Variants in DIXDC1 observed in about 807,000 individuals in gnomAD.
DIXDC1 encodes DIX domain containing 1, also known as dixin.
A neutral mutation model predicts 103.1 loss-of-function variants in DIXDC1; 64 were observed. The ratio of observed to expected loss-of-function variants is 0.62; its 90% CI spans 0.51 to 0.76. The LOEUF (loss-of-function observed/expected upper bound fraction) is 0.76, where lower values mean the gene tolerates loss of function less well. Ranked by LOEUF, DIXDC1 falls within the 30% of genes least tolerant of loss-of-function variation. The probability of loss-of-function intolerance (pLI) is 0.00; values close to 1 mark genes in which losing one functional copy is unlikely to be tolerated. For missense variants in DIXDC1, 759 were observed against 834.2 expected (o/e 0.91, Z 1.11); for synonymous variants, 266 against 298.5 (o/e 0.89, Z 1.12).
At chr11:112,004,903 C>A (rs1318259302) in intron 17 of DIXDC1, among the ~76,000 whole-genome samples, 1 of 152,062 alleles carries the variant, frequency 6.6e-6, no homozygotes, top group Non-Finnish European at 1.5e-5. Flanking sequence ...GTGCCCATTT[C>A]TAAACAGATA....
rs782657142 is a variant in DIXDC1, at chr11:111,992,464, T to A, written c.1163T>A (p.Leu388His). 5 of 1,583,472 alleles carry A rather than the reference T, an allele frequency of 3.2e-6. No homozygotes were observed. The highest frequency in any genetic ancestry group is 4.3e-6 in the Non-Finnish European group (5 of 1,164,206). The change falls in exon 11 of 20, where the codon CTC becomes CAC. Residue 388 changes from leucine (L) to histidine (H), a missense_variant. Leu to His is a moderately conservative substitution (Grantham distance 99). This residue lies in a region of DIXDC1 where 657 missense variants were observed against 727.5 expected (regional missense o/e 0.90). Transcript: ENST00000440460. ...CAGCAGGACACATCTGTTCTTCAGC[T>A]CAAACAAGAGCTACTGAGGGCAAAT... ...LTQQDTSVLQLKQELLRANMD... is the reference protein window; with the variant it reads ...LTQQDTSVLQHKQELLRANMD...
chr11:111,962,577 A>G (rs1859617990), intron 1 of DIXDC1, among the ~76,000 whole-genome samples: 1 of 152,148 alleles, frequency 6.6e-6, no homozygotes, highest in Non-Finnish European at 1.5e-5. Flanking sequence ...GAGCTGAAGC[A>G]TGGTGGGTAT....
At chr11:111,937,137 G>GGA (rs1326620107), upstream of DIXDC1, 1 of 736,326 alleles carries the variant, frequency 1.4e-6, no homozygotes, top group Non-Finnish European at 1.7e-6. Flanking sequence ...CGGGCGGGGG[G>GGA]GGGGTGTGCG....
rs1860269399 is a variant in DIXDC1, at chr11:111,980,737, C to A, written c.657C>A (p.Ser219Arg). Residue 219 changes from serine to arginine, a missense_variant and splice_region_variant, in exon 6 of 20, where the codon AGC (serine) becomes AGA (arginine). This residue lies in a region of DIXDC1 where 657 missense variants were observed against 727.5 expected (regional missense o/e 0.90). Coordinates refer to ENST00000440460, the MANE Select transcript of DIXDC1 (RefSeq NM_001037954.4). ...TTTCTTCCTTTTTCTTCAATCACAGCCTGACTTCACCCAGTCCAATCCACA... is the reference window on the plus strand; with the variant it reads ...TTTCTTCCTTTTTCTTCAATCACAGACTGACTTCACCCAGTCCAATCCACA... ...QRSPSESSCS[S>R]LTSPSPIHSA... 1 of 1,612,122 alleles carries A rather than the reference C, an allele frequency of 6.2e-7. No homozygotes were observed. Among genetic ancestry groups the A allele is most frequent in the African/African-American group, 1.3e-5 (1 of 74,880 alleles).
At chr11:111,928,045 T>C (rs922598160) in intron 1 of DIXDC1, among the ~76,000 whole-genome samples, 21 of 150,188 alleles carry the variant, frequency 1.4e-4, no homozygotes, top group Non-Finnish European at 2.5e-4. Flanking sequence ...AAAATAGTAT[T>C]AGCCCCATAA....
At chr11:111,937,127 C>CGG (rs200146124), upstream of DIXDC1, 12,157 of 514,808 alleles carry the variant, frequency 0.024, 348 homozygotes, top group South Asian at 0.035. Context: ...TGCTGCGGCC[C>CGG]GGGCGGGGGG....
chr11:112,003,930 A>G (rs1397256503), intron 17 of DIXDC1, among the ~76,000 whole-genome samples: 1 of 151,186 alleles, frequency 6.6e-6, no homozygotes, highest in African/African-American at 2.4e-5. Flanking sequence ...TGTAATCTCA[A>G]CTACTTGGGA....
At chr11:111,979,072 T>G (rs1405104215) in intron 5 of DIXDC1, among the ~76,000 whole-genome samples, 1 of 152,232 alleles carries the variant, frequency 6.6e-6, no homozygotes, top group Non-Finnish European at 1.5e-5. Flanking sequence ...TGGTTATAGA[T>G]CTATAGATAT....
chr11:112,011,178 C>G (rs1555177165), intron 17 of DIXDC1, among the ~76,000 whole-genome samples: 1 of 152,118 alleles, frequency 6.6e-6, no homozygotes, highest in Non-Finnish European at 1.5e-5. Flanking sequence ...GAAGACATTT[C>G]TGCAGCCAAC....
intron 1 of DIXDC1, among the ~76,000 whole-genome samples, chr11:111,943,532 C>T (rs1215641357): frequency 8.0e-6 from 1 of 124,400 alleles, no homozygotes; most frequent in Non-Finnish European, 1.6e-5. Context: ...CGGAGGCTTG[C>T]TCTGTCCCCT....
chr11:111,941,961 A>G (rs1966435656), intron 1 of DIXDC1, among the ~76,000 whole-genome samples: 1 of 152,134 alleles, frequency 6.6e-6, no homozygotes, highest in Non-Finnish European at 1.5e-5. Context: ...CATTGCTCCT[A>G]AAGGCCTTGT....
chr11:112,010,303 A>G (rs1861374761), intron 17 of DIXDC1, among the ~76,000 whole-genome samples: 1 of 152,246 alleles, frequency 6.6e-6, no homozygotes, highest in African/African-American at 2.4e-5. Flanking sequence ...GAAATAAAAG[A>G]GGACACAAAC....
Position 112,020,471 on chromosome 11 carries a change from C to T in DIXDC1, c.*1435C>T, listed in dbSNP as rs80108300. The T allele has an allele frequency of 5.7e-3, 866 of 152,654 alleles. 6 individuals are homozygous for T. The highest frequency in any genetic ancestry group is 0.013 in the Admixed American group (194 of 15,282). 9.5% of individuals were successfully genotyped at this position (152,654 alleles called of 1,614,324 possible). On this transcript the variant is annotated 3_prime_UTR_variant, in exon 20 of 20. Coordinates refer to ENST00000440460, the MANE Select transcript of DIXDC1 (RefSeq NM_001037954.4). ...AGATGTATCTTTTAAAAATAGTTCA[C>T]GTTTGGAGAATTCTTTTGTACTCAT...
At chr11:111,981,619 A>G (rs1168913394) in intron 6 of DIXDC1, among the ~76,000 whole-genome samples, 1 of 152,246 alleles carries the variant, frequency 6.6e-6, no homozygotes. Flanking sequence ...GGCCCTGCAC[A>G]TAAGTTACCT....
chr11:111,983,261 G>A (rs782764832), intron 7 of DIXDC1, among the ~76,000 whole-genome samples: 4 of 152,226 alleles, frequency 2.6e-5, no homozygotes, highest in Non-Finnish European at 5.9e-5. Flanking sequence ...CCCACATTAT[G>A]TGTGTGGCTC....
chr11:112,013,187 G>A (rs1020081120), intron 17 of DIXDC1, among the ~76,000 whole-genome samples: 1 of 151,984 alleles, frequency 6.6e-6, no homozygotes, highest in Admixed American at 6.6e-5. Flanking sequence ...TCTCTTATAA[G>A]GACTAGTTCT....
chr11:112,021,556 TC>T lies in DIXDC1; in HGVS notation c.*2521del, dbSNP rs1861761039. ...TCCTGCTACTTGCTAAAGTTCTCTT[TC>T]TTTGAGAAAACTGAGGAACCAGAAT... is the stretch of plus-strand genomic sequence containing the variant. On this transcript the variant is annotated 3_prime_UTR_variant, in exon 20 of 20. Transcript: ENST00000440460. The T allele has an allele frequency of 6.6e-6, 1 of 152,172 alleles. No homozygotes were observed. The highest frequency in any genetic ancestry group is 2.4e-5 in the African/African-American group (1 of 41,422). 9.4% of individuals were successfully genotyped at this position (152,172 alleles called of 1,614,324 possible). A position where few individuals can be genotyped will look rare whatever the true frequency, so the allele number is the denominator to read the frequency against.
chr11:111,994,446 T>C (rs1235724327), intron 14 of DIXDC1, among the ~76,000 whole-genome samples: 1 of 151,230 alleles, frequency 6.6e-6, no homozygotes, highest in South Asian at 2.1e-4. Context: ...CTCACACATA[T>C]ATATACATAC....
Position 111,974,911 on chromosome 11 carries a change from AC to A in DIXDC1, c.585del (p.Trp196GlyfsTer6). On this transcript the variant is annotated frameshift_variant, in exon 5 of 20. Transcript: ENST00000440460. LOFTEE classifies it high-confidence loss of function. Reference sequence around the variant, plus strand: ...ATGGATGAGGAAATTGAGAATCCATACTGGAGTGTGCGGGCCCTAGTGCAGC... The same window carrying A: ...ATGGATGAGGAAATTGAGAATCCATATGGAGTGTGCGGGCCCTAGTGCAGC... ...SSMDEEIENP[Y>X]WSVRALVQQY... The A allele has an allele frequency of 1.2e-6, 2 of 1,613,780 alleles. No homozygotes were observed. The highest frequency in any genetic ancestry group is 1.7e-6 in the Non-Finnish European group (2 of 1,179,850).
Sources: gnomAD v4.1 joint callset for allele counts (sites outside exome capture counted in the v4.1 genomes callset) on GRCh38, gnomAD v4.1.1 for gene constraint, gnomAD v4.1.1 regional missense constraint, MANE v1.5 for transcripts, NCBI Gene and HGNC (gene_info 2026-07-23, HGNC 2026-07-21) for gene names.